The following PIK3C2G variants were observed in gnomAD, a reference collection of about 807,000 sequenced individuals.
PIK3C2G encodes phosphatidylinositol-4-phosphate 3-kinase catalytic subunit type 2 gamma.
A neutral mutation model predicts 181.1 loss-of-function variants in PIK3C2G; 168 were observed. The ratio of observed to expected loss-of-function variants is 0.93; its 90% confidence interval spans 0.82 to 1.05. The LOEUF is 1.05. Ranked by LOEUF, PIK3C2G falls within the 50% of genes least tolerant of loss-of-function variation. The pLI is 0.00. For synonymous variants in PIK3C2G, 573 were observed against 592.2 expected, an observed-to-expected ratio of 0.97 and a Z score of 0.47; for missense variants, 1,869 against 1,732.8, an observed-to-expected ratio of 1.08 and a Z score of -1.40.
the PIK3C2G span, chr12:18,723,165 A>G: frequency 3.0e-6 from 2 of 672,790 alleles, no homozygotes; most frequent in South Asian, 1.9e-5. Context: ...TATAAAATAT[A>G]TTTTCTCAAA....
chr12:18,680,348 G>A, the PIK3C2G span, among the ~76,000 whole-genome samples: 1 of 151,992 alleles, frequency 6.6e-6, no homozygotes, highest in East Asian at 1.9e-4. Flanking sequence ...TAAGGGACAT[G>A]TTTTACATCC....
At position 18,389,915 on chromosome 12, in the gene PIK3C2G, T is replaced by C. The variant is rs567335410; in HGVS notation, c.1996-1207T>C. On this transcript the variant is annotated intron_variant, in intron 14 of 32. Coordinates refer to ENST00000538779, the MANE Select transcript of PIK3C2G (RefSeq NM_001288772.2). ...TTTACTTAGTATCAACATAAAATTA[T>C]ACTAACTCATTAAGAGCTATTTAAA... is the stretch of plus-strand genomic sequence containing the variant. Among the ~76,000 whole-genome samples the C allele has an allele frequency of 7.3e-4, 111 of 152,340 alleles. No homozygotes were observed. In the South Asian group the frequency reaches 7.7e-3, roughly 11 times the overall value.
chr12:18,711,305 G>A, the PIK3C2G span, among the ~76,000 whole-genome samples: 1 of 142,376 alleles, frequency 7.0e-6, no homozygotes, highest in Admixed American at 7.5e-5. Flanking sequence ...AACACCGCAT[G>A]TTCTCACTCA....
upstream of PIK3C2G, among the ~76,000 whole-genome samples, chr12:18,258,825 TTAAA>T (rs1385248961): frequency 6.6e-6 from 1 of 152,132 alleles, no homozygotes; most frequent in African/African-American, 2.4e-5. Context: ...ATGCTAGACA[TTAAA>T]TAGTATTTTT....
intron 26 of PIK3C2G, among the ~76,000 whole-genome samples, chr12:18,553,830 T>A: frequency 6.6e-6 from 1 of 152,244 alleles, no homozygotes; most frequent in South Asian, 2.1e-4. Flanking sequence ...TTTGTATAGT[T>A]TGCTACCTTT....
At chr12:18,281,403 G>A (rs1949213090) in intron 1 of PIK3C2G, among the ~76,000 whole-genome samples, 2 of 151,756 alleles carry the variant, frequency 1.3e-5, no homozygotes, top group South Asian at 2.1e-4. Context: ...CCTGTGAAGA[G>A]ATAAATTCAA....
intron 2 of PIK3C2G, among the ~76,000 whole-genome samples, chr12:18,283,445 AT>A (rs1288680427): frequency 6.6e-6 from 1 of 152,180 alleles, no homozygotes; most frequent in African/African-American, 2.4e-5. Flanking sequence ...AAGAAACATT[AT>A]TGCAGCTGCA....
intron 29 of PIK3C2G, among the ~76,000 whole-genome samples, chr12:18,591,661 G>C (rs12832281): frequency 0.2 from 29,908 of 151,820 alleles, 2,922 homozygotes; most frequent in South Asian, 0.21. Flanking sequence ...CCAGTCAAGA[G>C]CAGTCTTACA....
the PIK3C2G span, among the ~76,000 whole-genome samples, chr12:18,667,579 T>C: frequency 1.3e-5 from 2 of 152,170 alleles, no homozygotes; most frequent in African/African-American, 4.8e-5. Flanking sequence ...AGATCCTTTC[T>C]TCATGATCCT....
At chr12:18,594,412 T>C (rs1947244288) in intron 29 of PIK3C2G, 82 bp from the exon 30 acceptor site, 1 of 739,230 alleles carries the variant, frequency 1.4e-6, no homozygotes. Flanking sequence ...TAAAATGATA[T>C]ATATGGCAAT....
chr12:18,553,058 C>G (rs1174453499), intron 26 of PIK3C2G, among the ~76,000 whole-genome samples: 1 of 152,028 alleles, frequency 6.6e-6, no homozygotes, highest in Non-Finnish European at 1.5e-5. Context: ...GTTTTATGCA[C>G]AACAGCGCTG....
At chr12:18,449,461 C>T (rs552251694) in intron 18 of PIK3C2G, among the ~76,000 whole-genome samples, 2 of 152,054 alleles carry the variant, frequency 1.3e-5, no homozygotes, top group East Asian at 1.9e-4. Flanking sequence ...TTGCCTTGCA[C>T]CCCACAACAG....
chr12:18,405,482 C>T (rs894352641), intron 16 of PIK3C2G, among the ~76,000 whole-genome samples: 1 of 151,108 alleles, frequency 6.6e-6, no homozygotes, highest in Non-Finnish European at 1.5e-5. Context: ...TGCAGTGGTG[C>T]GATCTCGGTT....
At chr12:18,330,099 T>C (rs1379383731) in intron 8 of PIK3C2G, among the ~76,000 whole-genome samples, 1 of 152,118 alleles carries the variant, frequency 6.6e-6, no homozygotes, top group African/African-American at 2.4e-5. Context: ...GTATTGTAAA[T>C]GTCTTCTGCC....
chr12:18,704,266 G>T, the PIK3C2G span, among the ~76,000 whole-genome samples: 1 of 152,148 alleles, frequency 6.6e-6, no homozygotes. Context: ...GAGAAAGAGG[G>T]ACTGAACAGG....
intron 18 of PIK3C2G, among the ~76,000 whole-genome samples, chr12:18,476,285 C>A (rs1938984094): frequency 6.6e-6 from 1 of 152,040 alleles, no homozygotes; most frequent in South Asian, 2.1e-4. Context: ...AAAAGCATTA[C>A]AGCTTGAGAA....
intron 5 of PIK3C2G, among the ~76,000 whole-genome samples, chr12:18,308,931 C>A (rs1316730173): frequency 6.6e-6 from 1 of 151,492 alleles, no homozygotes; most frequent in Admixed American, 6.6e-5. Flanking sequence ...TAATTAAGAC[C>A]ATTGACTGCT....
At position 18,563,481 on chromosome 12, in the gene PIK3C2G, A is replaced by G. The variant is rs200910209; in HGVS notation, c.3885A>G (p.Ala1295=). The change falls in exon 28 of 33, where the codon GCA becomes GCG. Residue 1295 remains alanine, a synonymous_variant. Coordinates refer to ENST00000538779, the MANE Select transcript of PIK3C2G (RefSeq NM_001288772.2). ...ACAGCCAACTTCAGAAGCAGTTTGC[A>G]TCACTGACTCTCCCAGAGTAAGGCA... ...KLHSQLQKQF[A]SLTLPEFPHW... is the part of the protein sequence containing the mutation. 134 of 1,613,856 alleles carry G rather than the reference A, an allele frequency of 8.3e-5. No individual in the cohort carries two copies. In the African/African-American group the frequency reaches 1.7e-3, roughly 21 times the overall value.
intron 31 of PIK3C2G, among the ~76,000 whole-genome samples, chr12:18,614,799 A>T (rs924387973): frequency 6.6e-6 from 1 of 152,056 alleles, no homozygotes. Context: ...CCTGATGGGC[A>T]TTTACAGTCC....
Sources: allele counts gnomAD v4.1 joint callset (sites outside exome capture counted in the v4.1 genomes callset), GRCh38; gene constraint gnomAD v4.1.1; transcripts MANE v1.5; gene names NCBI Gene and HGNC (gene_info 2026-07-23, HGNC 2026-07-21).